The following WDR70 variants were observed in gnomAD, a reference collection of about 807,000 sequenced individuals.
The protein encoded by WDR70 is WD repeat domain 70, also known as WD repeat-containing protein 70.
Under a neutral mutation model 88.6 loss-of-function variants are expected in WDR70, and 53 were observed. That is an observed-to-expected ratio of 0.60 (90% confidence interval 0.48 to 0.75). WDR70 has a LOEUF of 0.75. WDR70 is among the 30% of genes least tolerant of loss of function. WDR70 has a pLI of 0.00. For missense variants in WDR70, 610 were observed against 823.2 expected (o/e 0.74, Z 3.17); for synonymous variants, 280 against 270.0 (o/e 1.04, Z -0.36).
intron 13 of WDR70, among the ~76,000 whole-genome samples, chr5:37,712,208 G>A (rs1003775393): frequency 2.0e-5 from 3 of 151,924 alleles, no homozygotes; most frequent in African/African-American, 4.8e-5. Flanking sequence ...GGCCAGGCTG[G>A]TCTTGAACTC....
chr5:37,593,206 G>T (rs188228114), intron 9 of WDR70, among the ~76,000 whole-genome samples: 1 of 152,174 alleles, frequency 6.6e-6, no homozygotes, highest in Non-Finnish European at 1.5e-5. Flanking sequence ...CGTGCACAAC[G>T]TGCAGGTTTG....
chr5:37,749,416 G>A (rs544675815), intron 17 of WDR70, among the ~76,000 whole-genome samples: 1 of 151,358 alleles, frequency 6.6e-6, no homozygotes, highest in Non-Finnish European at 1.5e-5. Flanking sequence ...CACAGAGAGG[G>A]GAACACCACA....
At chr5:37,487,326 A>G (rs1264177994) in intron 8 of WDR70, among the ~76,000 whole-genome samples, 1 of 152,004 alleles carries the variant, frequency 6.6e-6, no homozygotes, top group Non-Finnish European at 1.5e-5. Context: ...TTCAACTACT[A>G]TTACTTGAAA....
chr5:37,557,957 A>ACTCTTTTGAAAACTCTTCAAGAGTAC, intron 9 of WDR70, among the ~76,000 whole-genome samples: 4 of 139,248 alleles, frequency 2.9e-5, no homozygotes, highest in Non-Finnish European at 4.8e-5. Context: ...TCAAAAGAGT[A>ACTCTTTTGAAAACTCTTCAAGAGTAC]TTATGTATAT....
At chr5:37,398,139 AAT>A (rs1749083229) in intron 5 of WDR70, among the ~76,000 whole-genome samples, 3 of 136,180 alleles carry the variant, frequency 2.2e-5, no homozygotes, top group Non-Finnish European at 4.6e-5. Flanking sequence ...CCGAGGCTGG[AAT>A]GTGGTGGCGC....
At chr5:37,618,517 C>T (rs1311968327) in intron 10 of WDR70, among the ~76,000 whole-genome samples, 2 of 152,058 alleles carry the variant, frequency 1.3e-5, no homozygotes, top group Admixed American at 6.6e-5. Flanking sequence ...TACCAGGTGC[C>T]CATCACCACG....
intron 5 of WDR70, among the ~76,000 whole-genome samples, chr5:37,437,603 T>C (rs1750507534): frequency 6.6e-6 from 1 of 152,178 alleles, no homozygotes; most frequent in African/African-American, 2.4e-5. Flanking sequence ...TATTAACAGC[T>C]ACTGATTTAT....
At chr5:37,590,409 A>C (rs778062839) in intron 9 of WDR70, among the ~76,000 whole-genome samples, 1 of 152,090 alleles carries the variant, frequency 6.6e-6, no homozygotes, top group Non-Finnish European at 1.5e-5. Flanking sequence ...TTTAGTTGGG[A>C]GAGTGTGTTT....
At chr5:37,686,947 C>A (rs1746623785) in intron 10 of WDR70, among the ~76,000 whole-genome samples, 1 of 64,798 alleles carries the variant, frequency 1.5e-5, no homozygotes, top group Non-Finnish European at 2.9e-5. Flanking sequence ...AAAACTCTGT[C>A]TCAAAATAAT....
intron 13 of WDR70, among the ~76,000 whole-genome samples, chr5:37,718,985 G>A (rs1262436963): frequency 6.6e-6 from 1 of 152,146 alleles, no homozygotes; most frequent in Non-Finnish European, 1.5e-5. Context: ...GAGTTCTGGG[G>A]CACAGTTTTA....
At chr5:37,415,322 C>T (rs1455834299) in intron 5 of WDR70, among the ~76,000 whole-genome samples, 3 of 150,566 alleles carry the variant, frequency 2.0e-5, no homozygotes, top group Non-Finnish European at 3.0e-5. Flanking sequence ...GGGTGGTGGC[C>T]GGGCAGAGGG....
chr5:37,586,930 C>T (rs1472511898), intron 9 of WDR70, among the ~76,000 whole-genome samples: 4 of 152,176 alleles, frequency 2.6e-5, no homozygotes, highest in Non-Finnish European at 5.9e-5. Context: ...TTGCTATTGC[C>T]ACTTCTACCA....
chr5:37,467,663 A>C (rs1739198293), intron 7 of WDR70, among the ~76,000 whole-genome samples: 1 of 151,340 alleles, frequency 6.6e-6, no homozygotes, highest in African/African-American at 2.4e-5. Context: ...CAGCCTCCTC[A>C]GTAGCTGGGA....
chr5:37,693,443 C>T (rs1021751317), intron 10 of WDR70, among the ~76,000 whole-genome samples: 13 of 152,178 alleles, frequency 8.5e-5, no homozygotes, highest in Non-Finnish European at 1.9e-4. Flanking sequence ...AGGCATCATG[C>T]TACCTGACTT....
chr5:37,708,804 T>C (rs1747430441), intron 13 of WDR70, among the ~76,000 whole-genome samples: 1 of 152,212 alleles, frequency 6.6e-6, no homozygotes, highest in Admixed American at 6.5e-5. Flanking sequence ...CTTTGGAATG[T>C]ATCTTTGTTC....
chr5:37,469,103 G>A (rs1169603361), intron 7 of WDR70, among the ~76,000 whole-genome samples: 2 of 152,144 alleles, frequency 1.3e-5, no homozygotes, highest in African/African-American at 4.8e-5. Flanking sequence ...AACAAATGGG[G>A]CAAAGTGAGT....
At chr5:37,630,698 A>T (rs1744788969) in intron 10 of WDR70, among the ~76,000 whole-genome samples, 1 of 152,162 alleles carries the variant, frequency 6.6e-6, no homozygotes, top group African/African-American at 2.4e-5. Flanking sequence ...CACAGCTGGG[A>T]TTGTGACATT....
intron 10 of WDR70, among the ~76,000 whole-genome samples, chr5:37,653,518 C>G (rs1745463886): frequency 6.6e-6 from 1 of 152,122 alleles, no homozygotes; most frequent in Admixed American, 6.5e-5. Context: ...GGGATGGTAC[C>G]AGCTCCTCTT....
intron 9 of WDR70, among the ~76,000 whole-genome samples, chr5:37,581,106 A>T (rs1460284607): frequency 6.6e-6 from 1 of 152,206 alleles, no homozygotes; most frequent in Non-Finnish European, 1.5e-5. Flanking sequence ...CTCCAAGAGG[A>T]GAAAATAGAC....
Sources: allele counts gnomAD v4.1 joint callset (sites outside exome capture counted in the v4.1 genomes callset), GRCh38; gene constraint gnomAD v4.1.1; transcripts MANE v1.5; gene names NCBI Gene and HGNC (gene_info 2026-07-23, HGNC 2026-07-21).